NFKB2: variants seen among roughly 807,000 people sequenced by gnomAD.
NFKB2 encodes nuclear factor NF-kappa-B p100 subunit.
A neutral mutation model predicts 109.3 loss-of-function variants in NFKB2; 21 were observed. The observed-to-expected ratio is 0.19, with a 90% CI of 0.14 to 0.28. The LOEUF (loss-of-function observed/expected upper bound fraction) is 0.28. Among genes scored for constraint, NFKB2 ranks in the 10% least tolerant of loss-of-function variants. The pLI is 1.00. For missense variants in NFKB2, 806 were observed against 1,185.3 expected, an observed-to-expected ratio of 0.68 and a Z score of 4.70; for synonymous variants, 478 against 489.9, an observed-to-expected ratio of 0.98 and a Z score of 0.32.
Position 102,400,846 on chromosome 10 carries a change from G to A in NFKB2, c.1968+22G>A, listed in dbSNP as rs770817221. The A allele has an allele frequency of 1.6e-5, 26 of 1,579,516 alleles. No individual in the cohort carries two copies. The highest frequency in any genetic ancestry group is 2.2e-5 in the Non-Finnish European group (25 of 1,160,726). ...CAAGGTGGGACTGAGGATTGTGGAA[G>A]GAGTGGGGCCAAGGGTGGTGGAGGG... On this transcript the variant is annotated intron_variant, in intron 17 of 22. Transcript: ENST00000661543. This position sits in a 1 kb window ranked among gnomAD's most constrained non-coding sequence, Gnocchi z 6.3.
chr10:102,396,083 T>TG lies in NFKB2; in HGVS notation c.21+104dup, dbSNP rs1330677283. Reference sequence around the variant, plus strand: ...TGCCTTACACCTGTATGCTCGCAGATGCTCTCAGCCTGCCAGTCTGTCCAT... The same window carrying TG: ...TGCCTTACACCTGTATGCTCGCAGATGGCTCTCAGCCTGCCAGTCTGTCCAT... On this transcript the variant is annotated intron_variant, in intron 2 of 22. Transcript: ENST00000661543. The surrounding 1 kb of genome is among the most constrained non-coding windows in gnomAD (Gnocchi z 5.9). 6.6e-7 allele frequency: 1 copy of TG among 1,524,344 alleles called. No homozygotes were observed. The highest frequency in any genetic ancestry group is 1.4e-5 in the African/African-American group (1 of 73,180). 94.4% of individuals were successfully genotyped at this position (1,524,344 alleles called of 1,614,324 possible).
chr10:102,395,713 T>G lies in NFKB2; in HGVS notation c.-156T>G. Reference sequence around the variant, plus strand: ...CTTTCCTAAGCTGCTCTAACTTTCCTGCCCCTTCCCCGGCCAAGCCCAACT... The same window carrying G: ...CTTTCCTAAGCTGCTCTAACTTTCCGGCCCCTTCCCCGGCCAAGCCCAACT... On this transcript the variant is annotated 5_prime_UTR_variant, in exon 1 of 23. Transcript: ENST00000661543. 6.7e-6 allele frequency: 4 copies of G among 593,920 alleles called. No homozygotes were observed. The highest frequency in any genetic ancestry group is 1.2e-5 in the Non-Finnish European group (4 of 331,818). The allele number at this position is 593,920 out of a possible 1,614,324, so 36.8% of individuals were successfully genotyped here. A position where few individuals can be genotyped will look rare whatever the true frequency, so the allele number is the denominator to read the frequency against.
chr10:102,396,229 AC>A lies in NFKB2; in HGVS notation c.22-19del. ...TGGGGGGTGCTGAGAGTCGGATGCCACCCCCAGTCTGTCTCCAAACCAGGGT... is the reference window on the plus strand; with the variant it reads ...TGGGGGGTGCTGAGAGTCGGATGCCACCCCAGTCTGTCTCCAAACCAGGGT... On this transcript the variant is annotated intron_variant, in intron 2 of 22. Transcript: ENST00000661543. The surrounding 1 kb of genome is among the most constrained non-coding windows in gnomAD (Gnocchi z 5.9). The A allele has an allele frequency of 1.3e-6, 2 of 1,593,848 alleles. No homozygotes were observed. Among genetic ancestry groups the A allele is most frequent in the African/African-American group, 1.3e-5 (1 of 74,608 alleles).
upstream of NFKB2, chr10:102,395,560 C>T (rs2061090061): frequency 3.0e-6 from 1 of 338,848 alleles, no homozygotes; most frequent in East Asian, 4.8e-5. Flanking sequence ...GACCTCTGCC[C>T]GCTGAAAAGC....
At position 102,398,576 on chromosome 10, in the gene NFKB2, G is replaced by A; in HGVS notation, c.991+53G>A. 6.2e-7 allele frequency: 1 copy of A among 1,609,590 alleles called. No individual in the cohort carries two copies. Among genetic ancestry groups the A allele is most frequent in the Non-Finnish European group, 8.5e-7 (1 of 1,177,208 alleles). On this transcript the variant is annotated intron_variant, in intron 11 of 22. Coordinates refer to ENST00000661543, the MANE Select transcript of NFKB2 (RefSeq NM_001322934.2). This position sits in a 1 kb window ranked among gnomAD's most constrained non-coding sequence, Gnocchi z 6.6. ...GCTGGCGGGGGGCCAGGCTGGGCTA[G>A]AAGAAGGTCCCAAGAGCTAGATGTG...
At position 102,395,813 on chromosome 10, in the gene NFKB2, A is replaced by T. The variant is rs531303238; in HGVS notation, c.-73+17A>T. 2 of 353,146 alleles carry T rather than the reference A, an allele frequency of 5.7e-6. No individual in the cohort carries two copies. Among genetic ancestry groups the T allele is most frequent in the Non-Finnish European group, 5.2e-6 (1 of 193,166 alleles). 21.9% of individuals were successfully genotyped at this position (353,146 alleles called of 1,614,324 possible). Reference sequence around the variant, plus strand: ...CTGGAGGAGGTCGGACCCTCCCCCAAATCTGGGCCCCCATCTCCCGCCCAC... The same window carrying T: ...CTGGAGGAGGTCGGACCCTCCCCCATATCTGGGCCCCCATCTCCCGCCCAC... On this transcript the variant is annotated intron_variant, in intron 1 of 22. Transcript: ENST00000661543.
chr10:102,398,586 C>G lies in NFKB2; in HGVS notation c.991+63C>G, dbSNP rs2061158556. ...GGCCAGGCTGGGCTAGAAGAAGGTC[C>G]CAAGAGCTAGATGTGGGGATGCATG... On this transcript the variant is annotated intron_variant, in intron 11 of 22. Coordinates refer to ENST00000661543, the MANE Select transcript of NFKB2 (RefSeq NM_001322934.2). This position sits in a 1 kb window ranked among gnomAD's most constrained non-coding sequence, Gnocchi z 6.6. 4 of 1,609,002 alleles carry G rather than the reference C, an allele frequency of 2.5e-6. No homozygotes were observed. Among genetic ancestry groups the G allele is most frequent in the Non-Finnish European group, 3.4e-6 (4 of 1,177,196 alleles).
Position 102,400,559 on chromosome 10 carries a change from A to G in NFKB2, c.1798+68A>G. 1 of 1,593,396 alleles carries G rather than the reference A, an allele frequency of 6.3e-7. No homozygotes were observed. The highest frequency in any genetic ancestry group is 8.6e-7 in the Non-Finnish European group (1 of 1,168,550). ...CAGGGAGGGTATCTGGCCAGTGCCCAGAATGGACTATGAGGTGTCGAGATT... is the reference window on the plus strand; with the variant it reads ...CAGGGAGGGTATCTGGCCAGTGCCCGGAATGGACTATGAGGTGTCGAGATT... On this transcript the variant is annotated intron_variant, in intron 16 of 22. Coordinates refer to ENST00000661543, the MANE Select transcript of NFKB2 (RefSeq NM_001322934.2). The surrounding 1 kb of genome is among the most constrained non-coding windows in gnomAD (Gnocchi z 6.3).
rs2061233975 is a variant in NFKB2, at chr10:102,401,125, C to T, written c.2072-55C>T. 1 of 1,608,824 alleles carries T rather than the reference C, an allele frequency of 6.2e-7. No individual in the cohort carries two copies. On this transcript the variant is annotated intron_variant, in intron 18 of 22. Transcript: ENST00000661543. The surrounding 1 kb of genome is among the most constrained non-coding windows in gnomAD (Gnocchi z 4.2). ...GGTGCCTCCCAGTCCCCCGACTTTGCAGTCCTTAATGTAGGCCCCCACCAT... is the reference window on the plus strand; with the variant it reads ...GGTGCCTCCCAGTCCCCCGACTTTGTAGTCCTTAATGTAGGCCCCCACCAT...
In NFKB2 at chr10:102,398,791, G is replaced by T; in HGVS notation, c.1044G>T (p.Gln348His). ...GGAAGGCCTTGCCCACCTTCTCCCA[G>T]CCCTTCGGGGGTGGCTCCCACATGG... is the stretch of plus-strand genomic sequence containing the variant. ...KRRKALPTFS[Q>H]PFGGGSHMGG... is the part of the protein sequence containing the mutation. The change falls in exon 12 of 23, where the codon CAG becomes CAT. Residue 348 changes from glutamine (Q) to histidine (H), a missense_variant. Gln to His is a conservative substitution (Grantham distance 24). Around this residue, in one of 10 missense-constraint regions of NFKB2, gnomAD observed 209 missense variants for 211.9 expected, o/e 0.99. Transcript: ENST00000661543. The surrounding 1 kb of genome is among the most constrained non-coding windows in gnomAD (Gnocchi z 6.6). 1 of 1,612,310 alleles carries T rather than the reference G, an allele frequency of 6.2e-7. No individual in the cohort carries two copies. The highest frequency in any genetic ancestry group is 1.3e-5 in the African/African-American group (1 of 75,024).
chr10:102,397,817 A>T lies in NFKB2; in HGVS notation c.661+132A>T. ...GCCACATATGAGCTGAGTGATCCTG[A>T]GCAAGTCATTTCCCCCCCGAAGCTT... is the stretch of plus-strand genomic sequence containing the variant. On this transcript the variant is annotated intron_variant, in intron 8 of 22. Coordinates refer to ENST00000661543, the MANE Select transcript of NFKB2 (RefSeq NM_001322934.2). This position sits in a 1 kb window ranked among gnomAD's most constrained non-coding sequence, Gnocchi z 4.7. 4 of 1,312,444 alleles carry T rather than the reference A, an allele frequency of 3.0e-6. No individual in the cohort carries two copies. Among genetic ancestry groups the T allele is most frequent in the Non-Finnish European group, 4.3e-6 (4 of 938,126 alleles). The allele number at this position is 1,312,444 out of a possible 1,614,324, so 81.3% of individuals were successfully genotyped here. A position where few individuals can be genotyped will look rare whatever the true frequency, so the allele number is the denominator to read the frequency against.
chr10:102,401,584 G>A lies in NFKB2; in HGVS notation c.2293+66G>A. On this transcript the variant is annotated intron_variant, in intron 20 of 22. Coordinates refer to ENST00000661543, the MANE Select transcript of NFKB2 (RefSeq NM_001322934.2). The surrounding 1 kb of genome is among the most constrained non-coding windows in gnomAD (Gnocchi z 4.2). Reference sequence around the variant, plus strand: ...CCTCACAGAGGTCTCTTCTCCTTCAGGACCTCTGAAGGAGGCCTCCCTTTC... The same window carrying A: ...CCTCACAGAGGTCTCTTCTCCTTCAAGACCTCTGAAGGAGGCCTCCCTTTC... The A allele has an allele frequency of 6.3e-7, 1 of 1,578,440 alleles. No individual in the cohort carries two copies. The highest frequency in any genetic ancestry group is 8.7e-7 in the Non-Finnish European group (1 of 1,155,022).
In NFKB2 at chr10:102,399,399, C is replaced by A; in HGVS notation, c.1229C>A (p.Thr410Lys). The change falls in exon 13 of 23, where the codon ACG becomes AAG. Residue 410 changes from threonine (T) to lysine (K), a missense_variant. Around this residue, in one of 10 missense-constraint regions of NFKB2, gnomAD observed 209 missense variants for 211.9 expected, o/e 0.99. Coordinates refer to ENST00000661543, the MANE Select transcript of NFKB2 (RefSeq NM_001322934.2). ...GGGGGAQMAATVPSRDSGEEA... is the reference protein window; with the variant it reads ...GGGGGAQMAAKVPSRDSGEEA... ...GGGGGCGGGGCGCAGATGGCCGCCA[C>A]GGTGCCCAGCAGGGACTCCGGGGAG... 6.5e-7 allele frequency: 1 copy of A among 1,539,054 alleles called. No individual in the cohort carries two copies. Among genetic ancestry groups the A allele is most frequent in the Non-Finnish European group, 8.8e-7 (1 of 1,141,430 alleles).
intron 1 of NFKB2, 37 bp downstream of exon 1, chr10:102,395,833 G>A: frequency 5.9e-5 from 1 of 16,998 alleles, no homozygotes; most frequent in Non-Finnish European, 1.1e-4. Flanking sequence ...CCCATCTCCC[G>A]CCCACCCCCA....
chr10:102,400,581 G>C lies in NFKB2; in HGVS notation c.1799-74G>C, dbSNP rs2061216296. 6.2e-7 allele frequency: 1 copy of C among 1,600,550 alleles called. No homozygotes were observed. The highest frequency in any genetic ancestry group is 1.7e-5 in the Admixed American group (1 of 58,784). On this transcript the variant is annotated intron_variant, in intron 16 of 22. Coordinates refer to ENST00000661543, the MANE Select transcript of NFKB2 (RefSeq NM_001322934.2). The surrounding 1 kb of genome is among the most constrained non-coding windows in gnomAD (Gnocchi z 6.3). ...CCCAGAATGGACTATGAGGTGTCGA[G>C]ATTGAATGGTCAGGGCTGGTCCAGG...
Position 102,396,201 on chromosome 10 carries a change from C to A in NFKB2, c.22-52C>A. 6.4e-7 allele frequency: 1 copy of A among 1,559,346 alleles called. No homozygotes were observed. The highest frequency in any genetic ancestry group is 8.8e-7 in the Non-Finnish European group (1 of 1,137,202). On this transcript the variant is annotated intron_variant, in intron 2 of 22. Transcript: ENST00000661543. This position sits in a 1 kb window ranked among gnomAD's most constrained non-coding sequence, Gnocchi z 5.9. The stretch of plus-strand genomic sequence containing the variant: ...GAAGACTTGGAGATGGGAGGTGGGG[C>A]TGTGGGGGGTGCTGAGAGTCGGATG...
Position 102,401,943 on chromosome 10 carries a change from TC to T in NFKB2, c.2466+30del. ...GTGGGTTGGCCTGTGCCCTGCCCCC[TC>T]CCCAGCCTCCTTTCCCGATCTGAGT... On this transcript the variant is annotated intron_variant, in intron 21 of 22. Coordinates refer to ENST00000661543, the MANE Select transcript of NFKB2 (RefSeq NM_001322934.2). This position sits in a 1 kb window ranked among gnomAD's most constrained non-coding sequence, Gnocchi z 4.2. 1 of 1,600,420 alleles carries T rather than the reference TC, an allele frequency of 6.2e-7. No homozygotes were observed. The highest frequency in any genetic ancestry group is 8.5e-7 in the Non-Finnish European group (1 of 1,172,106).
At position 102,400,748 on chromosome 10, in the gene NFKB2, G is replaced by A. The variant is rs757608785; in HGVS notation, c.1892G>A (p.Arg631Gln). 8.1e-6 allele frequency: 13 copies of A among 1,613,318 alleles called. No homozygotes were observed. The highest frequency in any genetic ancestry group is 1.0e-5 in the Non-Finnish European group (12 of 1,179,668). ...GGGGCTGAAGTGGAGGCCACAGAGC[G>A]GCAGGGGGGACGAACAGCCTTGCAT... ...DSGAEVEATE[R>Q]QGGRTALHLA... The change falls in exon 17 of 23, where the codon CGG (arginine) becomes CAG (glutamine). Residue 631 changes from arginine (R) to glutamine (Q), a missense_variant. Coordinates refer to ENST00000661543, the MANE Select transcript of NFKB2 (RefSeq NM_001322934.2). This position sits in a 1 kb window ranked among gnomAD's most constrained non-coding sequence, Gnocchi z 6.3.
In NFKB2 at chr10:102,399,270, C is replaced by A. The variant is rs767639806; in HGVS notation, c.1118-18C>A. On this transcript the variant is annotated intron_variant, in intron 12 of 22. Transcript: ENST00000661543. ...CATGGCTGGTGCCCGCTTCCCACAG[C>A]CCTGCCTGTATCCACAGGTGGCAGC... is the stretch of plus-strand genomic sequence containing the variant. The A allele has an allele frequency of 4.4e-6, 7 of 1,578,308 alleles. No individual in the cohort carries two copies. The African/African-American group carries it at 9.5e-5, about 21-fold the overall frequency.
Sources: gnomAD v4.1 joint callset for allele counts on GRCh38, gnomAD v4.1.1 for gene constraint, gnomAD v4.1.1 regional missense constraint, Gnocchi (gnomAD v3.1) non-coding constraint, MANE v1.5 for transcripts, NCBI Gene and HGNC (gene_info 2026-07-23, HGNC 2026-07-21) for gene names.